Variants in PRH1 observed in about 807,000 individuals in gnomAD.
PRH1 encodes salivary acidic proline-rich phosphoprotein 1/2.
PRH1 carries 7 observed loss-of-function variants against 7.9 expected under a neutral mutation model. The observed-to-expected ratio is 0.89, with a 90% CI of 0.50 to 1.67. PRH1 has a LOEUF of 1.67. Among genes scored for constraint, PRH1 ranks in the 40% most tolerant of loss-of-function variants. The pLI is 0.00. For synonymous variants in PRH1, 45 were observed against 80.8 expected, an observed-to-expected ratio of 0.56 and a Z score of 2.38; for missense variants, 109 against 223.6, an observed-to-expected ratio of 0.49 and a Z score of 3.27.
intron 1 of PRH1, among the ~76,000 whole-genome samples, chr12:11,055,504 A>G (rs921636333): frequency 6.6e-6 from 1 of 152,274 alleles, no homozygotes; most frequent in Non-Finnish European, 1.5e-5. Flanking sequence ...GCAGGAACGC[A>G]CCGGGCCATG....
At chr12:11,110,624 G>A (rs562561203) in intron 1 of PRH1, among the ~76,000 whole-genome samples, 1 of 152,142 alleles carries the variant, frequency 6.6e-6, no homozygotes, top group African/African-American at 2.4e-5. Context: ...GTTACCACCA[G>A]GCCTGCCTCA....
At chr12:11,127,652 G>A (rs1212998237) in intron 1 of PRH1, among the ~76,000 whole-genome samples, 1 of 152,044 alleles carries the variant, frequency 6.6e-6, no homozygotes, top group African/African-American at 2.4e-5. Flanking sequence ...CTCATGGTTT[G>A]GAAAAATTAC....
intron 2 of PRH1, among the ~76,000 whole-genome samples, chr12:10,906,761 T>A (rs184801175): frequency 6.6e-6 from 1 of 152,210 alleles, no homozygotes; most frequent in Non-Finnish European, 1.5e-5. Context: ...TTTCCAGCCA[T>A]GTGGAACTGT....
chr12:10,948,376 G>A (rs1950519233), intron 2 of PRH1, among the ~76,000 whole-genome samples: 1 of 152,096 alleles, frequency 6.6e-6, no homozygotes, highest in Admixed American at 6.5e-5. Context: ...CAGAAAACCA[G>A]TCTTCAAGTT....
rs557387483 is a variant in PRH1, at chr12:11,077,674, A to G, written n.124-30486T>C. ...TAACAGCAGAAAACATATTAGGGTC[A>G]GAATGAAGGGTATGAGGTTTGCTAG... is the stretch of plus-strand genomic sequence containing the variant. On this transcript the variant is annotated intron_variant and non_coding_transcript_variant, in intron 1 of 4. Coordinates refer to the PRH1 transcript ENST00000541977. 1.3e-5 allele frequency: 15 copies of G among 1,168,316 alleles called. 1 individual carries two copies. In the East Asian group the frequency reaches 3.2e-4, roughly 25 times the overall value. The allele number at this position is 1,168,316 out of a possible 1,614,324, so 72.4% of individuals were successfully genotyped here. A position where few individuals can be genotyped will look rare whatever the true frequency, so the allele number is the denominator to read the frequency against.
At chr12:10,965,917 C>T (rs368622605) in intron 2 of PRH1, among the ~76,000 whole-genome samples, 1 of 152,190 alleles carries the variant, frequency 6.6e-6, no homozygotes, top group African/African-American at 2.4e-5. Flanking sequence ...TCTTGGGAAC[C>T]ATGGGAATGC....
At chr12:11,124,046 A>C (rs1946013596) in intron 1 of PRH1, among the ~76,000 whole-genome samples, 1 of 152,232 alleles carries the variant, frequency 6.6e-6, no homozygotes, top group African/African-American at 2.4e-5. Flanking sequence ...AGAGAATAGA[A>C]TAAAAGCTTC....
intron 1 of PRH1, among the ~76,000 whole-genome samples, chr12:11,060,981 G>A (rs1943574225): frequency 6.6e-6 from 1 of 152,234 alleles, no homozygotes. Context: ...TCTTTCCTGA[G>A]ATAAGCTGAT....
At chr12:11,067,646 G>C (rs1943883785) in intron 1 of PRH1, among the ~76,000 whole-genome samples, 1 of 152,182 alleles carries the variant, frequency 6.6e-6, no homozygotes, top group Non-Finnish European at 1.5e-5. Flanking sequence ...TGGATTGCCT[G>C]AGCACAGGAG....
intron 1 of PRH1, among the ~76,000 whole-genome samples, chr12:11,145,209 T>C (rs937220576): frequency 1.3e-5 from 2 of 152,192 alleles, no homozygotes; most frequent in Admixed American, 1.3e-4. Flanking sequence ...TGGTTTTCTT[T>C]GAAACGGAGT....
intron 1 of PRH1, among the ~76,000 whole-genome samples, chr12:11,053,596 A>G (rs1473020284): frequency 1.3e-5 from 2 of 152,282 alleles, no homozygotes; most frequent in Admixed American, 6.5e-5. Context: ...CCACAATGAT[A>G]TCTCTTGGAA....
chr12:10,923,988 C>CTT (rs1301150478), intron 2 of PRH1, among the ~76,000 whole-genome samples: 6 of 84,320 alleles, frequency 7.1e-5, no homozygotes, highest in African/African-American at 1.5e-4. Flanking sequence ...ATTTCTCCAT[C>CTT]TGTTTTTTTT....
At chr12:10,958,068 T>C (rs1397182616) in intron 2 of PRH1, among the ~76,000 whole-genome samples, 2 of 152,030 alleles carry the variant, frequency 1.3e-5, no homozygotes, top group Admixed American at 1.3e-4. Flanking sequence ...TGGATATATA[T>C]CCAGAGAAAT....
At chr12:11,113,211 T>G (rs576589619) in intron 1 of PRH1, among the ~76,000 whole-genome samples, 1 of 152,262 alleles carries the variant, frequency 6.6e-6, no homozygotes, top group East Asian at 1.9e-4. Flanking sequence ...TGGAAAACAC[T>G]ACTTAGAAAT....
intron 1 of PRH1, chr12:11,021,954 G>A: frequency 6.2e-7 from 1 of 1,613,632 alleles, no homozygotes; most frequent in South Asian, 1.1e-5. Context: ...GCATCTTCTT[G>A]AGATGTTTAC....
chr12:11,030,341 T>C, intron 1 of PRH1: 3 of 1,546,818 alleles, frequency 1.9e-6, no homozygotes, highest in Non-Finnish European at 2.6e-6. Flanking sequence ...GTAAGAAATA[T>C]AAAATGTTTC....
intron 1 of PRH1, among the ~76,000 whole-genome samples, chr12:11,073,595 T>A (rs147785921): frequency 0.014 from 2,142 of 151,926 alleles, no homozygotes; most frequent in South Asian, 0.029. Context: ...TTTAAATCCC[T>A]GTTCAGTTAA....
rs557227527 is a variant in PRH1 at position 10,950,363 on chromosome 12, C to T, written c.-59+23292G>A. 7.9e-5 allele frequency among the ~76,000 whole-genome samples: 12 copies of T among 151,924 alleles called. No homozygotes were observed. The East Asian group carries it at 1.7e-3, about 22-fold the overall frequency. ...TCTGAAAATTGTCAGTGCCTCATGCCCTTTTCAAAATTAGAAACATCAAAG... is the reference window on the plus strand; with the variant it reads ...TCTGAAAATTGTCAGTGCCTCATGCTCTTTTCAAAATTAGAAACATCAAAG... On this transcript the variant is annotated intron_variant, in intron 2 of 3. Coordinates refer to the PRH1 transcript ENST00000539853.
At chr12:11,057,025 T>TCCA (rs1241715950) in intron 1 of PRH1, among the ~76,000 whole-genome samples, 1 of 134,682 alleles carries the variant, frequency 7.4e-6, no homozygotes, top group Non-Finnish European at 1.6e-5. Context: ...TTTTTCTTCT[T>TCCA]AGACAGAGTC....
Sources: allele counts gnomAD v4.1 joint callset (sites outside exome capture counted in the v4.1 genomes callset), GRCh38; gene constraint gnomAD v4.1.1; transcripts MANE v1.5; gene names NCBI Gene and HGNC (gene_info 2026-07-23, HGNC 2026-07-21).